GRM5: variants seen among roughly 807,000 people sequenced by gnomAD.
The protein encoded by GRM5 is glutamate metabotropic receptor 5, also known as metabotropic glutamate receptor 5.
In GRM5, 19 loss-of-function variants were observed where a neutral mutation model predicts 83.1. The ratio of observed to expected loss-of-function variants is 0.23; its 90% CI spans 0.16 to 0.34. The LOEUF is 0.34. Ranked by LOEUF, GRM5 falls within the 10% of genes least tolerant of loss-of-function variation. The pLI is 1.00. For missense variants in GRM5, 1,160 were observed against 1,588.3 expected (o/e 0.73, Z 4.58); for synonymous variants, 675 against 633.6 (o/e 1.07, Z -0.98).
At chr11:88,798,789 T>C (rs1347602064) in intron 3 of GRM5, among the ~76,000 whole-genome samples, 1 of 94,482 alleles carries the variant, frequency 1.1e-5, no homozygotes, top group Non-Finnish European at 1.9e-5. Context: ...TACTCTTTGC[T>C]ACCTAATGAA....
At chr11:88,668,212 G>GCGCGCACACACACA (rs1554990683) in intron 3 of GRM5, among the ~76,000 whole-genome samples, 3 of 142,674 alleles carry the variant, frequency 2.1e-5, no homozygotes, top group African/African-American at 7.9e-5. Flanking sequence ...GCAGAAACTC[G>GCGCGCACACACACA]CACACACACA....
chr11:88,657,343 T>G (rs1234899124), intron 3 of GRM5, among the ~76,000 whole-genome samples: 1 of 152,202 alleles, frequency 6.6e-6, no homozygotes, highest in African/African-American at 2.4e-5. Context: ...TAGTCAGGTT[T>G]GTAGCCTTTC....
At chr11:88,553,332 G>A (rs1204821736) in intron 8 of GRM5, among the ~76,000 whole-genome samples, 2 of 152,124 alleles carry the variant, frequency 1.3e-5, no homozygotes, top group South Asian at 2.1e-4. Flanking sequence ...GCAATAAGCC[G>A]TACACTCAGC....
chr11:88,964,835 A>C (rs1404637710), intron 2 of GRM5, among the ~76,000 whole-genome samples: 1 of 152,182 alleles, frequency 6.6e-6, no homozygotes, highest in Non-Finnish European at 1.5e-5. Context: ...ATTAAAAAAG[A>C]ATTATATCGA....
Position 88,902,433 on chromosome 11 carries a change from T to C in GRM5, c.662-52278A>G, listed in dbSNP as rs1342479494. ...AGCACTTGGCATGGTATCTAGCACA[T>C]ACTGAGTATTCAAAAACCATTATAT... On this transcript the variant is annotated intron_variant, in intron 2 of 9. Coordinates refer to ENST00000305447, the MANE Select transcript of GRM5 (RefSeq NM_001143831.3). Among the ~76,000 whole-genome samples the C allele has an allele frequency of 2.0e-5, 3 of 152,164 alleles. No homozygotes were observed. In the East Asian group the frequency reaches 5.8e-4, roughly 29 times the overall value.
rs139052836 is a variant in GRM5, at chr11:88,561,961, G to T, written c.2630+5092C>A. ...CAAAGTGATTCTTTCTCCATGATGAGAGGTGGAAATTTGCTTCGTCTAGCC... is the reference window on the plus strand; with the variant it reads ...CAAAGTGATTCTTTCTCCATGATGATAGGTGGAAATTTGCTTCGTCTAGCC... On this transcript the variant is annotated intron_variant, in intron 8 of 9. Coordinates refer to ENST00000305447, the MANE Select transcript of GRM5 (RefSeq NM_001143831.3). Among the ~76,000 whole-genome samples the T allele has an allele frequency of 7.1e-3, 1,081 of 152,170 alleles. 9 individuals carry two copies. Among genetic ancestry groups the T allele is most frequent in the African/African-American group, 0.025 (1,043 of 41,538 alleles).
intron 3 of GRM5, among the ~76,000 whole-genome samples, chr11:88,695,994 TACC>T (rs887240488): frequency 2.6e-5 from 4 of 152,200 alleles, no homozygotes; most frequent in African/African-American, 9.6e-5. Flanking sequence ...CCCTCTGCCT[TACC>T]ACAAAGACAG....
At chr11:88,860,153 G>A (rs956393196) in intron 2 of GRM5, among the ~76,000 whole-genome samples, 2 of 152,110 alleles carry the variant, frequency 1.3e-5, no homozygotes, top group South Asian at 4.1e-4. Flanking sequence ...AATGGTTTGA[G>A]ATTTCCATAA....
chr11:89,019,687 A>G (rs1940936527), intron 2 of GRM5, among the ~76,000 whole-genome samples: 1 of 152,166 alleles, frequency 6.6e-6, no homozygotes, highest in Admixed American at 6.5e-5. Context: ...CAGCCTGGGC[A>G]ACAGAGCAAA....
At chr11:88,662,916 G>A (rs1002480750) in intron 3 of GRM5, among the ~76,000 whole-genome samples, 11 of 152,266 alleles carry the variant, frequency 7.2e-5, no homozygotes, top group Non-Finnish European at 1.3e-4. Flanking sequence ...AATGCAGTTC[G>A]CCAATACCCT....
chr11:88,709,443 C>T (rs74528015), intron 3 of GRM5, among the ~76,000 whole-genome samples: 14 of 152,116 alleles, frequency 9.2e-5, no homozygotes, highest in Non-Finnish European at 1.9e-4. Flanking sequence ...TTTGCAATAT[C>T]CATAGATTTC....
At chr11:88,986,178 CT>C (rs1283430408) in intron 2 of GRM5, among the ~76,000 whole-genome samples, 4 of 152,092 alleles carry the variant, frequency 2.6e-5, no homozygotes, top group Non-Finnish European at 2.9e-5. Flanking sequence ...AAAGAACAAC[CT>C]ATTGATACTA....
chr11:88,987,579 A>T (rs1346409032), intron 2 of GRM5, among the ~76,000 whole-genome samples: 12 of 152,048 alleles, frequency 7.9e-5, no homozygotes, highest in Non-Finnish European at 1.5e-4. Context: ...ACAAAAAGAC[A>T]GCAGTAACCT....
At position 88,784,999 on chromosome 11, in the gene GRM5, C is replaced by T. The variant is rs150144681; in HGVS notation, c.911+64907G>A. ...TTGAAATCATTCCCAAGAGATGTTG[C>T]GGTATAAAATTTTATATTCAGTTTA... On this transcript the variant is annotated intron_variant, in intron 3 of 9. Coordinates refer to ENST00000305447, the MANE Select transcript of GRM5 (RefSeq NM_001143831.3). Among the ~76,000 whole-genome samples the T allele has an allele frequency of 8.8e-3, 1,341 of 152,064 alleles. 30 individuals carry two copies. Among genetic ancestry groups the T allele is most frequent in the Non-Finnish European group, 7.7e-3 (524 of 67,936 alleles).
intron 1 of GRM5, among the ~76,000 whole-genome samples, chr11:89,064,091 A>G (rs1316475025): frequency 6.6e-6 from 1 of 152,132 alleles, no homozygotes; most frequent in Non-Finnish European, 1.5e-5. Context: ...AATATCCATT[A>G]TCTTCTTCTT....
chr11:88,769,850 G>T (rs1258763454), intron 3 of GRM5, among the ~76,000 whole-genome samples: 1 of 151,988 alleles, frequency 6.6e-6, no homozygotes, highest in Admixed American at 6.6e-5. Context: ...AGGAGGGAGA[G>T]CAAAACTCTC....
rs1040146338 is a variant in GRM5 at position 88,590,708 on chromosome 11, A to T, written c.1583T>A (p.Val528Asp). The change falls in exon 7 of 10, where the codon GTC (valine) becomes GAC (aspartate). Residue 528 changes from valine to aspartate, a missense_variant. Transcript: ENST00000305447. Reference sequence around the variant, plus strand: ...AGGTGTACAGGTCCAACAACAGCTGACTTCTCCCTTTCGGATCACCTAAGG... The same window carrying T: ...AGGTGTACAGGTCCAACAACAGCTGTCTTCTCCCTTTCGGATCACCTAAGG... ...GQIKVIRKGE[V>D]SCCWTCTPCK... 7 of 1,611,628 alleles carry T rather than the reference A, an allele frequency of 4.3e-6. No individual in the cohort carries two copies. The highest frequency in any genetic ancestry group is 5.9e-6 in the Non-Finnish European group (7 of 1,177,998).
chr11:88,695,424 C>A lies in GRM5; in HGVS notation c.912-42021G>T, dbSNP rs183450279. ...AATTCACTAAAAAGAACTTCTCACA[C>A]AAAGGTACATTTCTACTTTGTGTGA... On this transcript the variant is annotated intron_variant, in intron 3 of 9. Transcript: ENST00000305447. Among the ~76,000 whole-genome samples, 3 of 152,274 alleles carry A rather than the reference C, an allele frequency of 2.0e-5. No individual in the cohort carries two copies. In the East Asian group the frequency reaches 5.8e-4, roughly 29 times the overall value.
At chr11:88,938,686 T>C (rs1217641964) in intron 2 of GRM5, among the ~76,000 whole-genome samples, 5 of 151,668 alleles carry the variant, frequency 3.3e-5, no homozygotes, top group Non-Finnish European at 3.0e-5. Context: ...ACTGTTTATC[T>C]ACTCACTGTC....
Sources: allele counts gnomAD v4.1 joint callset (sites outside exome capture counted in the v4.1 genomes callset), GRCh38; gene constraint gnomAD v4.1.1; transcripts MANE v1.5; gene names NCBI Gene and HGNC (gene_info 2026-07-23, HGNC 2026-07-21).